The following FGF14 variants were observed in gnomAD, a reference collection of about 807,000 sequenced individuals.
FGF14 encodes the protein fibroblast growth factor homologous factor 4.
In FGF14, 5 loss-of-function variants were observed where a neutral mutation model predicts 25.5. That is an observed-to-expected ratio of 0.20 (90% CI 0.10 to 0.41). The LOEUF (loss-of-function observed/expected upper bound fraction) is 0.41. Ranked by LOEUF, FGF14 falls within the 10% of genes least tolerant of loss-of-function variation. The pLI is 1.00. For synonymous variants in FGF14, 138 were observed against 118.3 expected, an observed-to-expected ratio of 1.17 and a Z score of -1.08; for missense variants, 222 against 320.1, an observed-to-expected ratio of 0.69 and a Z score of 2.34.
At chr13:101,971,834 C>A (rs1295682097) in intron 1 of FGF14, among the ~76,000 whole-genome samples, 1 of 152,190 alleles carries the variant, frequency 6.6e-6, no homozygotes, top group South Asian at 2.1e-4. Flanking sequence ...AAGTTGCTGT[C>A]CCTTATAAAA....
chr13:102,068,927 G>A (rs1304539609), intron 1 of FGF14, among the ~76,000 whole-genome samples: 1 of 107,782 alleles, frequency 9.3e-6, no homozygotes, highest in Non-Finnish European at 1.7e-5. Flanking sequence ...GGTGAAGCCA[G>A]CTGGGCTCCT....
intron 1 of FGF14, among the ~76,000 whole-genome samples, chr13:102,241,128 A>G (rs1380873115): frequency 6.6e-6 from 1 of 152,106 alleles, no homozygotes; most frequent in African/African-American, 2.4e-5. Context: ...CTGATAATGA[A>G]CAGTGGACGC....
chr13:102,295,668 CTT>C (rs1345554920), intron 1 of FGF14, among the ~76,000 whole-genome samples: 2 of 152,144 alleles, frequency 1.3e-5, no homozygotes, highest in African/African-American at 2.4e-5. Context: ...AAGTCCAAGT[CTT>C]AGGATTTTCT....
intron 1 of FGF14, among the ~76,000 whole-genome samples, chr13:101,924,766 T>C (rs2034252691): frequency 6.6e-6 from 1 of 152,176 alleles, no homozygotes; most frequent in South Asian, 2.1e-4. Flanking sequence ...ATTGCCAAAG[T>C]TACACAGCTA....
chr13:102,285,662 C>A (rs892109413), intron 1 of FGF14, among the ~76,000 whole-genome samples: 3 of 152,222 alleles, frequency 2.0e-5, no homozygotes, highest in Non-Finnish European at 4.4e-5. Context: ...TCTCTGTGAA[C>A]TAGCCAAATA....
intron 1 of FGF14, among the ~76,000 whole-genome samples, chr13:102,187,752 A>G (rs936862941): frequency 6.6e-6 from 1 of 152,180 alleles, no homozygotes; most frequent in East Asian, 1.9e-4. Context: ...AGCCATAGTT[A>G]CAGTTGGTTG....
chr13:102,073,907 A>C (rs968673716), intron 1 of FGF14, among the ~76,000 whole-genome samples: 2 of 152,194 alleles, frequency 1.3e-5, no homozygotes, highest in African/African-American at 4.8e-5. Context: ...ACAGGGAAAT[A>C]ATAGTTGTAT....
At position 101,717,908 on chromosome 13, in the gene FGF14, A is replaced by G. The variant is rs577510064; in HGVS notation, c.*4923T>C. 3.3e-5 allele frequency: 5 copies of G among 152,258 alleles called. No homozygotes were observed. The East Asian group carries it at 9.7e-4, about 29-fold the overall frequency. The allele number at this position is 152,258 out of a possible 1,614,324, so 9.4% of individuals were successfully genotyped here. A position where few individuals can be genotyped will look rare whatever the true frequency, so the allele number is the denominator to read the frequency against. ...ATTATCCTTTTTATTAACAACAACAACTACAACAAAAGTGCTGCTCTTTTT... is the reference window on the plus strand; with the variant it reads ...ATTATCCTTTTTATTAACAACAACAGCTACAACAAAAGTGCTGCTCTTTTT... On this transcript the variant is annotated 3_prime_UTR_variant, in exon 5 of 5. Coordinates refer to ENST00000376143, the MANE Select transcript of FGF14 (RefSeq NM_004115.4).
intron 1 of FGF14, among the ~76,000 whole-genome samples, chr13:102,236,607 G>A (rs1471942314): frequency 6.6e-6 from 1 of 152,112 alleles, no homozygotes; most frequent in Non-Finnish European, 1.5e-5. Context: ...GCCTGATCTC[G>A]GGCTAGTGCC....
At chr13:101,836,812 G>T (rs2042947746) in intron 3 of FGF14, among the ~76,000 whole-genome samples, 1 of 151,992 alleles carries the variant, frequency 6.6e-6, no homozygotes. Flanking sequence ...TGGCAGAAGA[G>T]AAATCATGCC....
chr13:101,931,509 T>C (rs1379169453), intron 1 of FGF14, among the ~76,000 whole-genome samples: 1 of 152,170 alleles, frequency 6.6e-6, no homozygotes, highest in East Asian at 1.9e-4. Flanking sequence ...GATGCTCCCC[T>C]CTCTCCTCCT....
intron 1 of FGF14, among the ~76,000 whole-genome samples, chr13:102,252,614 T>C (rs977500224): frequency 2.0e-5 from 3 of 152,200 alleles, no homozygotes; most frequent in Non-Finnish European, 4.4e-5. Flanking sequence ...TGTAAATAGC[T>C]GTTATACTCC....
At chr13:102,189,009 AG>A (rs1291210832) in intron 1 of FGF14, among the ~76,000 whole-genome samples, 8,042 of 82,256 alleles carry the variant, frequency 0.098, 561 homozygotes, top group Middle Eastern at 0.14. Context: ...AGAAAGAAAG[AG>A]AAAGAATGAA....
chr13:102,273,798 G>A (rs2053368844), intron 1 of FGF14, among the ~76,000 whole-genome samples: 1 of 151,916 alleles, frequency 6.6e-6, no homozygotes, highest in Non-Finnish European at 1.5e-5. Flanking sequence ...AATTAGCAGG[G>A]CATGGTGGTG....
intron 1 of FGF14, among the ~76,000 whole-genome samples, chr13:102,133,979 C>T (rs553510276): frequency 5.3e-5 from 8 of 152,306 alleles, no homozygotes; most frequent in Non-Finnish European, 1.2e-4. Context: ...TCTGAACACA[C>T]CAACAAACAA....
chr13:101,945,794 C>T (rs117296988), intron 1 of FGF14, among the ~76,000 whole-genome samples: 3 of 152,284 alleles, frequency 2.0e-5, no homozygotes, highest in East Asian at 1.9e-4. Flanking sequence ...CTTTTCAACA[C>T]GGGGAGGAAA....
intron 3 of FGF14, among the ~76,000 whole-genome samples, chr13:101,754,961 A>T (rs1328352): frequency 0.77 from 117,578 of 152,048 alleles, 45,954 homozygotes; most frequent in East Asian, 0.93. Context: ...AAGTTAAATG[A>T]CATATCTTTT....
At chr13:101,908,666 C>T in intron 1 of FGF14, among the ~76,000 whole-genome samples, 2 of 152,136 alleles carry the variant, frequency 1.3e-5, no homozygotes. Context: ...CCATACTGCC[C>T]AAGGTCATTT....
At chr13:101,764,313 A>G (rs1479030943) in intron 3 of FGF14, among the ~76,000 whole-genome samples, 1 of 152,162 alleles carries the variant, frequency 6.6e-6, no homozygotes, top group Non-Finnish European at 1.5e-5. Context: ...ATCTGCTCCT[A>G]CTACCCCACA....
Sources: allele counts gnomAD v4.1 joint callset (sites outside exome capture counted in the v4.1 genomes callset), GRCh38; gene constraint gnomAD v4.1.1; transcripts MANE v1.5; gene names NCBI Gene and HGNC (gene_info 2026-07-23, HGNC 2026-07-21).